Variants in TAOK3 observed in about 807,000 individuals in gnomAD.
The protein encoded by TAOK3 is serine/threonine-protein kinase TAO3.
TAOK3 carries 40 observed loss-of-function variants against 120.4 expected under a neutral mutation model. The ratio of observed to expected loss-of-function variants is 0.33; its 90% CI spans 0.26 to 0.43. The LOEUF (loss-of-function observed/expected upper bound fraction) is 0.43. Ranked by LOEUF, TAOK3 falls within the 20% of genes least tolerant of loss-of-function variation. The pLI is 1.00. For synonymous variants in TAOK3, 355 were observed against 387.5 expected, an observed-to-expected ratio of 0.92 and a Z score of 0.99; for missense variants, 821 against 1,112.1, an observed-to-expected ratio of 0.74 and a Z score of 3.72.
At chr12:118,210,744 T>TC (rs1431041283) in intron 11 of TAOK3, among the ~76,000 whole-genome samples, 2 of 150,144 alleles carry the variant, frequency 1.3e-5, no homozygotes, top group South Asian at 2.1e-4. Context: ...TTTTTTCTTT[T>TC]TTTTTTTTTT....
At position 118,202,902 on chromosome 12, in the gene TAOK3, C is replaced by T. The variant is rs1363135875; in HGVS notation, c.820-1439G>A. Among the ~76,000 whole-genome samples the T allele has an allele frequency of 8.0e-5, 12 of 150,928 alleles. No homozygotes were observed. In the South Asian group the frequency reaches 2.5e-3, roughly 32 times the overall value. Reference sequence around the variant, plus strand: ...TCAGGTAATTCTCCTGACTCAGCCTCCCGAGTAGCTGGAATTACAGGCATG... The same window carrying T: ...TCAGGTAATTCTCCTGACTCAGCCTTCCGAGTAGCTGGAATTACAGGCATG... On this transcript the variant is annotated intron_variant, in intron 11 of 20. Transcript: ENST00000392533.
intron 1 of TAOK3, among the ~76,000 whole-genome samples, chr12:118,348,671 C>T (rs1318910326): frequency 2.0e-5 from 3 of 152,064 alleles, no homozygotes; most frequent in East Asian, 1.9e-4. Context: ...AGAATGGTCT[C>T]GATCTCCTGA....
At chr12:118,227,292 TATATATAAAATATAA>T (rs1281028299) in intron 9 of TAOK3, among the ~76,000 whole-genome samples, 1 of 147,716 alleles carries the variant, frequency 6.8e-6, no homozygotes, top group African/African-American at 2.4e-5. Flanking sequence ...AATATAAATT[TATATATAAAATATAA>T]ATATATAAAA....
chr12:118,306,805 T>C (rs920082306), intron 1 of TAOK3, among the ~76,000 whole-genome samples: 1 of 152,116 alleles, frequency 6.6e-6, no homozygotes, highest in African/African-American at 2.4e-5. Context: ...GCTCTCAGAG[T>C]TTGTTCTGCT....
intron 1 of TAOK3, among the ~76,000 whole-genome samples, chr12:118,343,723 C>T (rs533845856): frequency 3.3e-5 from 5 of 151,806 alleles, no homozygotes; most frequent in Non-Finnish European, 5.9e-5. Context: ...TATAAAAAAT[C>T]CACTAGAGGC....
intron 15 of TAOK3, among the ~76,000 whole-genome samples, chr12:118,180,482 C>T (rs1274526998): frequency 6.6e-6 from 1 of 152,172 alleles, no homozygotes; most frequent in Non-Finnish European, 1.5e-5. Context: ...CTCAAGAGAT[C>T]CACCCACCTT....
intron 1 of TAOK3, among the ~76,000 whole-genome samples, chr12:118,300,601 ACT>A (rs1275722685): frequency 6.6e-6 from 1 of 151,888 alleles, no homozygotes; most frequent in Non-Finnish European, 1.5e-5. Flanking sequence ...ACTCACACAC[ACT>A]CACACTTTTT....
At chr12:118,247,258 G>T (rs938498469) in intron 3 of TAOK3, among the ~76,000 whole-genome samples, 1 of 151,988 alleles carries the variant, frequency 6.6e-6, no homozygotes, top group African/African-American at 2.4e-5. Context: ...TGGTTTTCAG[G>T]ATTACTTATA....
At chr12:118,193,342 C>T (rs1949147686) in intron 13 of TAOK3, among the ~76,000 whole-genome samples, 2 of 152,026 alleles carry the variant, frequency 1.3e-5, no homozygotes, top group African/African-American at 2.4e-5. Flanking sequence ...AGCCACCGCA[C>T]CCAGCCCACG....
At chr12:118,212,232 CA>C (rs1295269269) in intron 11 of TAOK3, among the ~76,000 whole-genome samples, 2 of 152,114 alleles carry the variant, frequency 1.3e-5, no homozygotes, top group East Asian at 3.9e-4. Context: ...GGTTGAAAAA[CA>C]AACATGCAAA....
intron 9 of TAOK3, among the ~76,000 whole-genome samples, chr12:118,227,272 A>C (rs954805821): frequency 3.4e-5 from 5 of 147,752 alleles, no homozygotes. Context: ...AAATTATGTT[A>C]TAATTTTATA....
intron 8 of TAOK3, among the ~76,000 whole-genome samples, chr12:118,234,196 TTAAA>T (rs914969114): frequency 6.8e-6 from 1 of 147,520 alleles, no homozygotes; most frequent in African/African-American, 2.5e-5. Context: ...TTTAAAGTAA[TTAAA>T]TAAAGCAGGA....
intron 3 of TAOK3, chr12:118,246,736 G>A: frequency 6.3e-7 from 1 of 1,583,658 alleles, no homozygotes; most frequent in Non-Finnish European, 8.6e-7. Flanking sequence ...ATGATGGCTG[G>A]TATCGATGAC....
At chr12:118,301,482 A>G (rs1360679854) in intron 1 of TAOK3, among the ~76,000 whole-genome samples, 1 of 152,188 alleles carries the variant, frequency 6.6e-6, no homozygotes, top group African/African-American at 2.4e-5. Context: ...ATGAATGACG[A>G]TCCAGCAAAG....
chr12:118,166,415 G>A (rs930912362), intron 17 of TAOK3, among the ~76,000 whole-genome samples: 9 of 151,988 alleles, frequency 5.9e-5, no homozygotes, highest in Non-Finnish European at 1.3e-4. Context: ...GCACATGCCT[G>A]TAATCCCAGC....
At chr12:118,232,653 C>G (rs957214466) in intron 9 of TAOK3, among the ~76,000 whole-genome samples, 1 of 152,160 alleles carries the variant, frequency 6.6e-6, no homozygotes, top group Non-Finnish European at 1.5e-5. Flanking sequence ...CATCTATAAT[C>G]CCAGTGCTTT....
intron 1 of TAOK3, among the ~76,000 whole-genome samples, chr12:118,358,457 C>T (rs915303566): frequency 2.0e-5 from 3 of 152,156 alleles, no homozygotes; most frequent in Non-Finnish European, 4.4e-5. Flanking sequence ...AGGCTTGTTA[C>T]TTTTAAAGAT....
chr12:118,173,825 T>C (rs549793067), intron 16 of TAOK3, among the ~76,000 whole-genome samples: 1 of 152,306 alleles, frequency 6.6e-6, no homozygotes, highest in Admixed American at 6.5e-5. Flanking sequence ...CTCACTCAGC[T>C]AAAATCTCCT....
chr12:118,272,626 A>C (rs1212431639), intron 1 of TAOK3, among the ~76,000 whole-genome samples: 1 of 152,126 alleles, frequency 6.6e-6, no homozygotes, highest in African/African-American at 2.4e-5. Flanking sequence ...AATCTCAGAA[A>C]AGTTAAGCAT....
Sources: gnomAD v4.1 joint callset for allele counts (sites outside exome capture counted in the v4.1 genomes callset) on GRCh38, gnomAD v4.1.1 for gene constraint, MANE v1.5 for transcripts, NCBI Gene and HGNC (gene_info 2026-07-23, HGNC 2026-07-21) for gene names.